Variants in OLFM3 observed in about 807,000 individuals in gnomAD.
OLFM3 encodes olfactomedin 3.
Under a neutral mutation model 48.6 loss-of-function variants are expected in OLFM3, and 20 were observed. The observed-to-expected ratio is 0.41, with a 90% CI of 0.29 to 0.60. The LOEUF (loss-of-function observed/expected upper bound fraction) is 0.60, where lower values mean the gene tolerates loss of function less well. Among genes scored for constraint, OLFM3 ranks in the 20% least tolerant of loss-of-function variants. The pLI is 0.28. For synonymous variants in OLFM3, 222 were observed against 198.1 expected (o/e 1.12, Z -1.01); for missense variants, 437 against 544.3 (o/e 0.80, Z 1.96).
chr1:101,881,885 C>T (rs1169679275), intron 1 of OLFM3, among the ~76,000 whole-genome samples: 1 of 151,480 alleles, frequency 6.6e-6, no homozygotes, highest in African/African-American at 2.4e-5. Context: ...AGACCTCAAC[C>T]ACAGTCTTCT....
Position 101,989,712 on chromosome 1 carries a change from T to C in OLFM3, c.69+7036A>G, listed in dbSNP as rs78272636. Among the ~76,000 whole-genome samples, 418 of 115,990 alleles carry C rather than the reference T, an allele frequency of 3.6e-3. 1 individual carries two copies. Among genetic ancestry groups the C allele is most frequent in the African/African-American group, 0.012 (408 of 34,742 alleles). 76.1% of individuals were successfully genotyped at this position (115,990 alleles called of 152,430 possible). On this transcript the variant is annotated intron_variant, in intron 1 of 5. Transcript: ENST00000370103. ...TCAGCAGAAATATTACAATAGCTAA[T>C]TGAGGGTCAAGGTCTTTTGAAAAAC...
intron 1 of OLFM3, among the ~76,000 whole-genome samples, chr1:101,937,215 C>G (rs932165753): frequency 6.6e-6 from 1 of 152,172 alleles, no homozygotes. Context: ...GGGCTACATG[C>G]TTTTTACCCC....
intron 1 of OLFM3, among the ~76,000 whole-genome samples, chr1:101,842,405 C>A (rs1407707685): frequency 6.6e-6 from 1 of 151,890 alleles, no homozygotes; most frequent in African/African-American, 2.4e-5. Flanking sequence ...GACCTGGTAG[C>A]CTATAGTCCC....
At chr1:101,826,129 AACACACACACACAC>A (rs66617960) in intron 3 of OLFM3, among the ~76,000 whole-genome samples, 112 of 133,074 alleles carry the variant, frequency 8.4e-4, no homozygotes, top group African/African-American at 2.2e-3. Flanking sequence ...ACTTTCGTCA[AACACACACACACAC>A]ACACACACAC....
At chr1:101,899,741 C>T (rs772539946) in intron 1 of OLFM3, among the ~76,000 whole-genome samples, 1 of 151,850 alleles carries the variant, frequency 6.6e-6, no homozygotes, top group East Asian at 1.9e-4. Flanking sequence ...AAATACAAAA[C>T]TGTTTGAACT....
At position 101,836,996 on chromosome 1, in the gene OLFM3, C is replaced by T. The variant is rs1041151359; in HGVS notation, c.99G>A (p.Gln33=). 15 of 1,613,910 alleles carry T rather than the reference C, an allele frequency of 9.3e-6. No individual in the cohort carries two copies. Among genetic ancestry groups the T allele is most frequent in the Non-Finnish European group, 1.2e-5 (14 of 1,179,880 alleles). The part of the protein sequence containing the change: ...KTQISPKEGW[Q]VYSSAQDPDG... ...CAGGATCCTGAGCTGAGCTGTACAC[C>T]TGCCACCCTTCTTTAGGACTAATCT... is the stretch of plus-strand genomic sequence containing the variant. The change falls in exon 2 of 6, where the codon CAG becomes CAA. Residue 33 remains glutamine (Q), a synonymous_variant. Coordinates refer to ENST00000370103, the MANE Select transcript of OLFM3 (RefSeq NM_058170.4).
chr1:101,841,685 G>A (rs924209511), intron 1 of OLFM3, among the ~76,000 whole-genome samples: 48 of 152,336 alleles, frequency 3.2e-4, no homozygotes, highest in African/African-American at 1.1e-3. Flanking sequence ...GGTCTAGATG[G>A]AGGGACAGGC....
At chr1:101,934,213 A>G in intron 1 of OLFM3, among the ~76,000 whole-genome samples, 1 of 152,222 alleles carries the variant, frequency 6.6e-6, no homozygotes, top group African/African-American at 2.4e-5. Flanking sequence ...TGCTGTCTTC[A>G]AGAGACACAT....
At chr1:101,991,102 T>C (rs1017329788) in intron 1 of OLFM3, among the ~76,000 whole-genome samples, 1 of 140,846 alleles carries the variant, frequency 7.1e-6, no homozygotes, top group African/African-American at 2.6e-5. Flanking sequence ...CAGTGTTAGG[T>C]GAACTAAAAT....
In OLFM3 at chr1:101,806,410, A is replaced by C. The variant is rs191224038; in HGVS notation, c.593-228T>G. ...TCCAAATTTTAAACATAAAAATTTAAAGTGGGAAATGATTTGTACAATCCG... is the reference window on the plus strand; with the variant it reads ...TCCAAATTTTAAACATAAAAATTTACAGTGGGAAATGATTTGTACAATCCG... On this transcript the variant is annotated intron_variant, in intron 4 of 5. Transcript: ENST00000370103. Among the ~76,000 whole-genome samples, 7 of 151,994 alleles carry C rather than the reference A, an allele frequency of 4.6e-5. No homozygotes were observed. The East Asian group carries it at 1.4e-3, about 30-fold the overall frequency.
chr1:101,990,343 CT>C (rs1335596897), intron 1 of OLFM3, among the ~76,000 whole-genome samples: 2 of 152,006 alleles, frequency 1.3e-5, no homozygotes. Context: ...CGTGATAAGC[CT>C]TTTTTATTAT....
At chr1:101,917,148 C>G (rs556131105) in intron 1 of OLFM3, among the ~76,000 whole-genome samples, 1 of 152,018 alleles carries the variant, frequency 6.6e-6, no homozygotes, top group South Asian at 2.1e-4. Context: ...AGAAGAAGGT[C>G]AGAATATTTT....
chr1:101,898,670 G>C (rs1046428612), intron 1 of OLFM3, among the ~76,000 whole-genome samples: 1 of 152,058 alleles, frequency 6.6e-6, no homozygotes, highest in African/African-American at 2.4e-5. Context: ...CCAACATGGT[G>C]AAACCCTGTC....
chr1:101,898,866 CA>C (rs376367203), intron 1 of OLFM3, among the ~76,000 whole-genome samples: 2 of 151,298 alleles, frequency 1.3e-5, no homozygotes, highest in African/African-American at 2.4e-5. Flanking sequence ...AACAAACAAA[CA>C]AAAAAAACAG....
chr1:101,931,165 G>T (rs1659433183), intron 1 of OLFM3, among the ~76,000 whole-genome samples: 1 of 152,118 alleles, frequency 6.6e-6, no homozygotes, highest in Non-Finnish European at 1.5e-5. Flanking sequence ...TGTCTCTGTA[G>T]TTCAATAATA....
At chr1:101,923,583 C>T (rs752423964) in intron 1 of OLFM3, among the ~76,000 whole-genome samples, 3 of 151,934 alleles carry the variant, frequency 2.0e-5, no homozygotes, top group Non-Finnish European at 4.4e-5. Context: ...TAAAGTCTTA[C>T]TAAATTCTAA....
chr1:101,813,106 C>A, intron 4 of OLFM3: 1 of 1,290,578 alleles, frequency 7.7e-7, no homozygotes, highest in Non-Finnish European at 1.0e-6. Context: ...CTTCTCCTTT[C>A]TGTTGCCTTT....
At chr1:101,904,230 TAAAAG>T (rs1302952141) in intron 1 of OLFM3, among the ~76,000 whole-genome samples, 3 of 152,096 alleles carry the variant, frequency 2.0e-5, no homozygotes, top group Admixed American at 2.0e-4. Flanking sequence ...TGGAAGAAGT[TAAAAG>T]AAAATGTTCT....
Position 101,854,165 on chromosome 1 carries a change from T to TAA in OLFM3, c.70-17142_70-17141dup, listed in dbSNP as rs34523237. ...AAAATTTAAAAAGAAAAGACAGATT[T>TAA]AAAAAAAAATGGTTTAGAGAAGATA... On this transcript the variant is annotated intron_variant, in intron 1 of 5. Transcript: ENST00000370103. Among the ~76,000 whole-genome samples, 4 of 151,424 alleles carry TAA rather than the reference T, an allele frequency of 2.6e-5. No individual in the cohort carries two copies. In the East Asian group the frequency reaches 5.8e-4, roughly 22 times the overall value.
Sources: allele counts gnomAD v4.1 joint callset (sites outside exome capture counted in the v4.1 genomes callset), GRCh38; gene constraint gnomAD v4.1.1; transcripts MANE v1.5; gene names NCBI Gene and HGNC (gene_info 2026-07-23, HGNC 2026-07-21).